Variants in COL5A2 observed in about 807,000 individuals in gnomAD.
COL5A2 encodes collagen alpha-2(V) chain.
A neutral mutation model predicts 208.2 loss-of-function variants in COL5A2; 23 were observed. The ratio of observed to expected loss-of-function variants is 0.11; its 90% CI spans 0.08 to 0.16. COL5A2 has a LOEUF of 0.16. Among genes scored for constraint, COL5A2 ranks in the 10% least tolerant of loss-of-function variants. COL5A2 has a pLI of 1.00. For missense variants in COL5A2, 1,590 were observed against 1,956.4 expected, an observed-to-expected ratio of 0.81 and a Z score of 3.53; for synonymous variants, 625 against 628.5, an observed-to-expected ratio of 0.99 and a Z score of 0.08.
At chr2:189,347,036 C>A in the COL5A2 span, among the ~76,000 whole-genome samples, 2 of 152,140 alleles carry the variant, frequency 1.3e-5, no homozygotes, top group South Asian at 4.1e-4. Flanking sequence ...CTCTTCCAAT[C>A]CCCATTCCTC....
the COL5A2 span, among the ~76,000 whole-genome samples, chr2:189,412,949 C>T: frequency 6.6e-6 from 1 of 151,986 alleles, no homozygotes; most frequent in African/African-American, 2.4e-5. Context: ...TGAGAATGTT[C>T]GTGGAAGAGA....
At chr2:189,268,409 T>C in the COL5A2 span, among the ~76,000 whole-genome samples, 1 of 152,142 alleles carries the variant, frequency 6.6e-6, no homozygotes, top group African/African-American at 2.4e-5. Context: ...CCTCATGCTA[T>C]TTTTATATTA....
At chr2:189,257,147 G>T in the COL5A2 span, among the ~76,000 whole-genome samples, 1 of 152,190 alleles carries the variant, frequency 6.6e-6, no homozygotes, top group Non-Finnish European at 1.5e-5. Flanking sequence ...ACATTGCTCA[G>T]TTGTCCTCCA....
At chr2:189,148,868 A>T (rs973471888) in intron 1 of COL5A2, among the ~76,000 whole-genome samples, 2 of 152,178 alleles carry the variant, frequency 1.3e-5, no homozygotes, top group Admixed American at 1.3e-4. Context: ...GGCCTGGTGC[A>T]GTGGCTCACG....
At chr2:189,240,258 G>A in the COL5A2 span, among the ~76,000 whole-genome samples, 6 of 152,232 alleles carry the variant, frequency 3.9e-5, no homozygotes, top group African/African-American at 1.2e-4. Context: ...CTGGGAAGAT[G>A]AAGATCAAGA....
chr2:189,057,116 C>A, intron 34 of COL5A2, 90 bp from the exon 35 acceptor site: 2 of 1,413,688 alleles, frequency 1.4e-6, no homozygotes, highest in South Asian at 2.3e-5. Flanking sequence ...GGCTAATTGT[C>A]ATTTTCCTAG....
At chr2:189,094,013 T>C (rs1403125467) in intron 6 of COL5A2, among the ~76,000 whole-genome samples, 2 of 152,212 alleles carry the variant, frequency 1.3e-5, no homozygotes, top group African/African-American at 2.4e-5. Flanking sequence ...CAAAGAGACA[T>C]ACACAAAACT....
chr2:189,289,463 A>G, the COL5A2 span, among the ~76,000 whole-genome samples: 4 of 152,204 alleles, frequency 2.6e-5, no homozygotes, highest in Non-Finnish European at 5.9e-5. Context: ...CTTTTTCTCC[A>G]AGATCAGGAA....
At chr2:189,307,807 A>G in the COL5A2 span, among the ~76,000 whole-genome samples, 1 of 152,220 alleles carries the variant, frequency 6.6e-6, no homozygotes. Context: ...CTTGCAAAAT[A>G]TAGTAATTAA....
At chr2:189,323,649 C>G in the COL5A2 span, among the ~76,000 whole-genome samples, 1 of 152,124 alleles carries the variant, frequency 6.6e-6, no homozygotes, top group Non-Finnish European at 1.5e-5. Context: ...GAACTACAAA[C>G]CACTGCTCAA....
chr2:189,146,109 GA>G (rs746499949), intron 1 of COL5A2, among the ~76,000 whole-genome samples: 1 of 152,130 alleles, frequency 6.6e-6, no homozygotes, highest in Non-Finnish European at 1.5e-5. Context: ...AAGGAAATGG[GA>G]AAGGTATTCC....
the COL5A2 span, among the ~76,000 whole-genome samples, chr2:189,416,756 A>T: frequency 6.6e-6 from 1 of 152,116 alleles, no homozygotes; most frequent in Non-Finnish European, 1.5e-5. Flanking sequence ...TATCTGTTAT[A>T]TTTTTTCCTG....
the COL5A2 span, among the ~76,000 whole-genome samples, chr2:189,304,686 C>T: frequency 6.6e-6 from 1 of 152,214 alleles, no homozygotes; most frequent in African/African-American, 2.4e-5. Flanking sequence ...CTAACTTCAA[C>T]ACTGAGGATT....
chr2:189,219,378 TATTA>T (rs950238801), intron 1 of COL5A2, among the ~76,000 whole-genome samples: 1 of 152,204 alleles, frequency 6.6e-6, no homozygotes, highest in Non-Finnish European at 1.5e-5. Context: ...CGTTCAAACT[TATTA>T]TTTATTTTTT....
chr2:189,292,155 T>C, the COL5A2 span, among the ~76,000 whole-genome samples: 2 of 152,186 alleles, frequency 1.3e-5, no homozygotes, highest in African/African-American at 4.8e-5. Context: ...TAATTTGATA[T>C]CATTGTCAAT....
chr2:189,255,420 T>A, the COL5A2 span, among the ~76,000 whole-genome samples: 1 of 152,170 alleles, frequency 6.6e-6, no homozygotes, highest in Non-Finnish European at 1.5e-5. Flanking sequence ...AACCTTATTT[T>A]CCCCAACCCC....
intron 1 of COL5A2, among the ~76,000 whole-genome samples, chr2:189,115,214 C>CA (rs1275195634): frequency 6.6e-6 from 1 of 152,114 alleles, no homozygotes; most frequent in Admixed American, 6.6e-5. Context: ...CATATATCCT[C>CA]ATAGATTTCT....
At chr2:189,346,043 A>G in the COL5A2 span, among the ~76,000 whole-genome samples, 20 of 152,352 alleles carry the variant, frequency 1.3e-4, no homozygotes, top group African/African-American at 4.6e-4. Flanking sequence ...AGCATAGTAC[A>G]TTAATATAAT....
At chr2:189,322,905 C>A in the COL5A2 span, among the ~76,000 whole-genome samples, 1 of 152,280 alleles carries the variant, frequency 6.6e-6, no homozygotes, top group Non-Finnish European at 1.5e-5. Flanking sequence ...CCCTGATGAA[C>A]ATCGATGCAA....
Sources: gnomAD v4.1 joint callset for allele counts (sites outside exome capture counted in the v4.1 genomes callset) on GRCh38, gnomAD v4.1.1 for gene constraint, MANE v1.5 for transcripts, NCBI Gene and HGNC (gene_info 2026-07-23, HGNC 2026-07-21) for gene names.